PLEKHA3: variants seen among roughly 807,000 people sequenced by gnomAD.
PLEKHA3 encodes pleckstrin homology domain containing A3.
Under a neutral mutation model 39.2 loss-of-function variants are expected in PLEKHA3, and 19 were observed. The observed-to-expected ratio is 0.48, with a 90% CI of 0.34 to 0.71. The LOEUF (loss-of-function observed/expected upper bound fraction) is 0.71, where lower values mean the gene tolerates loss of function less well. Among genes scored for constraint, PLEKHA3 ranks in the 30% least tolerant of loss-of-function variants. PLEKHA3 has a pLI of 0.01. For synonymous variants in PLEKHA3, 97 were observed against 118.6 expected (o/e 0.82, Z 1.18); for missense variants, 253 against 359.5 (o/e 0.70, Z 2.40).
chr2:178,489,738 G>A (rs1198948872), intron 2 of PLEKHA3, among the ~76,000 whole-genome samples: 1 of 151,946 alleles, frequency 6.6e-6, no homozygotes, highest in African/African-American at 2.4e-5. Flanking sequence ...TCTCATTTAA[G>A]CTTCTTCTCA....
chr2:178,487,088 G>A (rs1206000630), intron 2 of PLEKHA3, among the ~76,000 whole-genome samples: 1 of 152,214 alleles, frequency 6.6e-6, no homozygotes, highest in Non-Finnish European at 1.5e-5. Context: ...TAGCCAAGGA[G>A]CAGGGTTAGG....
Position 178,505,832 on chromosome 2 carries a change from T to A in PLEKHA3, c.*1945T>A, listed in dbSNP as rs1685594774. On this transcript the variant is annotated 3_prime_UTR_variant, in exon 8 of 8. Coordinates refer to ENST00000234453, the MANE Select transcript of PLEKHA3 (RefSeq NM_019091.4). ...CTGGTTTGTATCATTTTTTCCCCCT[T>A]AAAACAGGTCCTTGAACAGGTTTGC... is the stretch of plus-strand genomic sequence containing the variant. 1 of 152,080 alleles carries A rather than the reference T, an allele frequency of 6.6e-6. No individual in the cohort carries two copies. Among genetic ancestry groups the A allele is most frequent in the Non-Finnish European group, 1.5e-5 (1 of 67,954 alleles). The allele number at this position is 152,080 out of a possible 1,614,324, so 9.4% of individuals were successfully genotyped here. A position where few individuals can be genotyped will look rare whatever the true frequency, so the allele number is the denominator to read the frequency against.
chr2:178,500,172 A>G (rs1429472812), intron 6 of PLEKHA3, among the ~76,000 whole-genome samples: 1 of 152,098 alleles, frequency 6.6e-6, no homozygotes, highest in Non-Finnish European at 1.5e-5. Flanking sequence ...TTGGAAAGTG[A>G]TTTAATTATA....
At position 178,512,042 on chromosome 2, in the gene PLEKHA3, G is replaced by A. The variant is rs1292795543; in HGVS notation, c.*8155G>A. The A allele has an allele frequency of 6.6e-6, 1 of 152,196 alleles. No individual in the cohort carries two copies. The highest frequency in any genetic ancestry group is 1.5e-5 in the Non-Finnish European group (1 of 68,040). 9.4% of individuals were successfully genotyped at this position (152,196 alleles called of 1,614,324 possible). On this transcript the variant is annotated 3_prime_UTR_variant, in exon 8 of 8. Coordinates refer to ENST00000234453, the MANE Select transcript of PLEKHA3 (RefSeq NM_019091.4). ...TTATAACAGAGATGCGGAAGTACAG[G>A]ACTACCAGTGCAGCCAAGATGCACA...
In PLEKHA3 at chr2:178,506,633, A is replaced by G. The variant is rs1293544465; in HGVS notation, c.*2746A>G. On this transcript the variant is annotated 3_prime_UTR_variant, in exon 8 of 8. Transcript: ENST00000234453. ...GGAAATGCGCCCTTGTGATATGTTA[A>G]TACCAGATTGCTGTTTACACTAATT... 6.6e-6 allele frequency: 1 copy of G among 152,230 alleles called. No homozygotes were observed. Among genetic ancestry groups the G allele is most frequent in the Non-Finnish European group, 1.5e-5 (1 of 68,036 alleles). 9.4% of individuals were successfully genotyped at this position (152,230 alleles called of 1,614,324 possible).
chr2:178,492,478 G>T (rs1319689212), intron 3 of PLEKHA3, among the ~76,000 whole-genome samples: 7 of 107,654 alleles, frequency 6.5e-5, no homozygotes, highest in Admixed American at 6.5e-4. Flanking sequence ...CATGTGGGGT[G>T]GGGGGAGGGG....
At chr2:178,481,550 G>A (rs1685163228) in intron 1 of PLEKHA3, among the ~76,000 whole-genome samples, 1 of 152,226 alleles carries the variant, frequency 6.6e-6, no homozygotes, top group Admixed American at 6.5e-5. Context: ...CACCTGTGAA[G>A]TGGGTTGGAA....
chr2:178,499,065 T>G (rs2154127921), intron 5 of PLEKHA3, 146 bp from the exon 6 acceptor site: 1 of 653,304 alleles, frequency 1.5e-6, no homozygotes, highest in Admixed American at 3.5e-5. Context: ...GTTGCTTGAG[T>G]CTGTGAAAGA....
At chr2:178,496,389 G>A (rs1018477908) in intron 5 of PLEKHA3, among the ~76,000 whole-genome samples, 1 of 152,180 alleles carries the variant, frequency 6.6e-6, no homozygotes, top group Admixed American at 6.5e-5. Context: ...GTGTTTTTAG[G>A]AGTCCATTTA....
rs1250595657 is a variant in PLEKHA3 at position 178,510,860 on chromosome 2, AT to A, written c.*6977del. ...TATTTCATAGGTAAAATTTTAATCT[AT>A]TTTCTAATCAAAGTGTTTTGGGGAA... On this transcript the variant is annotated 3_prime_UTR_variant, in exon 8 of 8. Coordinates refer to ENST00000234453, the MANE Select transcript of PLEKHA3 (RefSeq NM_019091.4). 4 of 152,106 alleles carry A rather than the reference AT, an allele frequency of 2.6e-5. No homozygotes were observed. The highest frequency in any genetic ancestry group is 5.9e-5 in the Non-Finnish European group (4 of 68,004). 9.4% of individuals were successfully genotyped at this position (152,106 alleles called of 1,614,324 possible). A position where few individuals can be genotyped will look rare whatever the true frequency, so the allele number is the denominator to read the frequency against.
intron 4 of PLEKHA3, among the ~76,000 whole-genome samples, chr2:178,495,190 T>G (rs377297205): frequency 6.6e-6 from 1 of 152,240 alleles, no homozygotes; most frequent in East Asian, 1.9e-4. Context: ...TTAGGTTAGA[T>G]TTCTCTAAGA....
At chr2:178,482,797 G>C (rs1685191674) in intron 1 of PLEKHA3, among the ~76,000 whole-genome samples, 1 of 152,150 alleles carries the variant, frequency 6.6e-6, no homozygotes, top group Admixed American at 6.5e-5. Flanking sequence ...AGGGCATTTA[G>C]TCAACTTCTA....
chr2:178,483,175 T>C (rs2016615), intron 1 of PLEKHA3, among the ~76,000 whole-genome samples: 44,578 of 151,810 alleles, frequency 0.29, 8,446 homozygotes, highest in East Asian at 0.65. Context: ...ATGAGAATTA[T>C]TTGAGCCTGG....
chr2:178,507,945 A>T lies in PLEKHA3; in HGVS notation c.*4058A>T, dbSNP rs1286466750. 6.5e-6 allele frequency: 1 copy of T among 152,984 alleles called. No individual in the cohort carries two copies. Among genetic ancestry groups the T allele is most frequent in the African/African-American group, 2.4e-5 (1 of 41,244 alleles). The allele number at this position is 152,984 out of a possible 1,614,324, so 9.5% of individuals were successfully genotyped here. A position where few individuals can be genotyped will look rare whatever the true frequency, so the allele number is the denominator to read the frequency against. ...TGTAAGCTTTTAGGAACTTCTCATT[A>T]CTTCTGATGTTTCATAATAATATGT... On this transcript the variant is annotated 3_prime_UTR_variant, in exon 8 of 8. Transcript: ENST00000234453.
rs1685642369 is a variant in PLEKHA3 at position 178,508,873 on chromosome 2, A to G, written c.*4986A>G. On this transcript the variant is annotated 3_prime_UTR_variant, in exon 8 of 8. Transcript: ENST00000234453. Reference sequence around the variant, plus strand: ...GGTGGGGCGTAGGCTGGCTGTGGAGAGTAGGGGAGAGGACCTGGGTTCCAG... The same window carrying G: ...GGTGGGGCGTAGGCTGGCTGTGGAGGGTAGGGGAGAGGACCTGGGTTCCAG... 6.5e-6 allele frequency: 1 copy of G among 153,580 alleles called. No homozygotes were observed. The highest frequency in any genetic ancestry group is 2.1e-4 in the South Asian group (1 of 4,820). 9.5% of individuals were successfully genotyped at this position (153,580 alleles called of 1,614,324 possible). A position where few individuals can be genotyped will look rare whatever the true frequency, so the allele number is the denominator to read the frequency against.
intron 4 of PLEKHA3, 59 bp downstream of exon 4, chr2:178,494,048 C>T (rs1685401297): frequency 1.5e-5 from 23 of 1,535,684 alleles, no homozygotes; most frequent in Non-Finnish European, 2.0e-5. Flanking sequence ...TGGGGGGATC[C>T]TCAGTCATTC....
Position 178,514,689 on chromosome 2 carries a change from T to TC in PLEKHA3, c.*10803dup, listed in dbSNP as rs1297411341. The TC allele has an allele frequency of 6.6e-6, 1 of 150,522 alleles. No individual in the cohort carries two copies. The highest frequency in any genetic ancestry group is 2.5e-5 in the African/African-American group (1 of 40,470). 9.3% of individuals were successfully genotyped at this position (150,522 alleles called of 1,614,324 possible). On this transcript the variant is annotated 3_prime_UTR_variant, in exon 8 of 8. Coordinates refer to ENST00000234453, the MANE Select transcript of PLEKHA3 (RefSeq NM_019091.4). ...AGTGCCAATATTCTTTTTTTTTTTT[T>TC]CTCTAAGAAGTACTAGTTTAGGTAA... is the stretch of plus-strand genomic sequence containing the variant.
chr2:178,482,806 T>C, intron 1 of PLEKHA3, among the ~76,000 whole-genome samples: 1 of 152,218 alleles, frequency 6.6e-6, no homozygotes, highest in East Asian at 1.9e-4. Flanking sequence ...AGTCAACTTC[T>C]AGTATGCATT....
rs1438931296 is a variant in PLEKHA3, at chr2:178,501,090, C to T, written c.689C>T (p.Ser230Phe). 9 of 1,613,124 alleles carry T rather than the reference C, an allele frequency of 5.6e-6. No individual in the cohort carries two copies. The highest frequency in any genetic ancestry group is 1.7e-5 in the Admixed American group (1 of 59,944). ...RSSHSIKEPV[S>F]TLHRLSQRRR... ...AGCCACTCTATAAAAGAACCAGTAT[C>T]TACACTTCACCGACTCTCCCAGCGA... is the stretch of plus-strand genomic sequence containing the variant. The change falls in exon 7 of 8, where the codon TCT becomes TTT. Residue 230 changes from serine (S) to phenylalanine (F), a missense_variant. Physicochemically the swap from Ser to Phe is radical, Grantham distance 155. This residue lies in a region of PLEKHA3 where 127 missense variants were observed against 136.8 expected (regional missense o/e 0.93). Coordinates refer to ENST00000234453, the MANE Select transcript of PLEKHA3 (RefSeq NM_019091.4).
Sources: allele counts gnomAD v4.1 joint callset (sites outside exome capture counted in the v4.1 genomes callset), GRCh38; gene constraint gnomAD v4.1.1; regional missense constraint gnomAD v4.1.1; transcripts MANE v1.5; gene names NCBI Gene and HGNC (gene_info 2026-07-23, HGNC 2026-07-21).